FAT3: variants seen among roughly 807,000 people sequenced by gnomAD.
FAT3 encodes FAT atypical cadherin 3.
A neutral mutation model predicts 310.2 loss-of-function variants in FAT3; 95 were observed. The ratio of observed to expected loss-of-function variants is 0.31; its 90% CI spans 0.26 to 0.36. The LOEUF (loss-of-function observed/expected upper bound fraction) is 0.36, where lower values mean the gene tolerates loss of function less well. Ranked by LOEUF, FAT3 falls within the 10% of genes least tolerant of loss-of-function variation. The pLI, the probability that FAT3 is intolerant of heterozygous loss-of-function variation, is 1.00. For synonymous variants in FAT3, 2,314 were observed against 2,192.9 expected, an observed-to-expected ratio of 1.06 and a Z score of -1.54; for missense variants, 5,408 against 5,715.6, an observed-to-expected ratio of 0.95 and a Z score of 1.74.
intron 1 of FAT3, among the ~76,000 whole-genome samples, chr11:92,244,128 G>A (rs934775505): frequency 3.3e-5 from 5 of 152,144 alleles, no homozygotes; most frequent in Non-Finnish European, 5.9e-5. Flanking sequence ...CACAAAGACC[G>A]TGCAGCTGTT....
intron 1 of FAT3, among the ~76,000 whole-genome samples, chr11:92,270,538 T>A (rs1018473532): frequency 6.7e-6 from 1 of 149,492 alleles, no homozygotes; most frequent in Admixed American, 6.7e-5. Flanking sequence ...AAAAAAAAAA[T>A]TGCTGGGCAT....
intron 3 of FAT3, among the ~76,000 whole-genome samples, chr11:92,600,397 T>TA (rs527950837): frequency 3.9e-4 from 59 of 152,182 alleles, no homozygotes; most frequent in Non-Finnish European, 7.5e-4. Flanking sequence ...AGAGAAGACT[T>TA]ACGTTTCTAC....
rs899887357 is a variant in FAT3, at chr11:92,880,674, C to T, written c.12128-57C>T. ...TAGGAGGACATGTTATAGCTGAGTC[C>T]AAGCACTCAGCCCTAGCAGTGGCAT... On this transcript the variant is annotated intron_variant, in intron 22 of 27. Transcript: ENST00000525166. 53 of 1,563,064 alleles carry T rather than the reference C, an allele frequency of 3.4e-5. No individual in the cohort carries two copies. In the African/African-American group the frequency reaches 7.1e-4, roughly 21 times the overall value.
chr11:92,712,742 G>A (rs530941768), intron 4 of FAT3, among the ~76,000 whole-genome samples: 1 of 152,328 alleles, frequency 6.6e-6, no homozygotes, highest in African/African-American at 2.4e-5. Flanking sequence ...AGGCATAAAT[G>A]TGTAACTATA....
At chr11:92,304,147 C>T (rs1193091767) in intron 1 of FAT3, among the ~76,000 whole-genome samples, 1 of 152,102 alleles carries the variant, frequency 6.6e-6, no homozygotes, top group Non-Finnish European at 1.5e-5. Flanking sequence ...GAGTGTGCCT[C>T]AGTACACCTC....
chr11:92,879,918 G>A (rs1949633835), intron 22 of FAT3, among the ~76,000 whole-genome samples: 2 of 152,124 alleles, frequency 1.3e-5, no homozygotes, highest in Admixed American at 6.6e-5. Flanking sequence ...TCTTTACTAT[G>A]TGCATGTATA....
chr11:92,444,398 T>C (rs1951160277), intron 2 of FAT3, among the ~76,000 whole-genome samples: 1 of 152,174 alleles, frequency 6.6e-6, no homozygotes, highest in Non-Finnish European at 1.5e-5. Flanking sequence ...TGTCATGTAA[T>C]TCACCTTTTC....
intron 2 of FAT3, among the ~76,000 whole-genome samples, chr11:92,357,971 CTAGCTTGGT>C (rs1948778157): frequency 6.7e-6 from 1 of 149,646 alleles, no homozygotes; most frequent in Non-Finnish European, 1.5e-5. Context: ...GAGTCCCAGA[CTAGCTTGGT>C]CAGTATGGTG....
intron 2 of FAT3, among the ~76,000 whole-genome samples, chr11:92,378,595 C>T (rs1045727572): frequency 9.2e-5 from 14 of 152,148 alleles, no homozygotes; most frequent in Non-Finnish European, 1.6e-4. Context: ...TTAAAAATAT[C>T]TTCATTCTGA....
chr11:92,872,816 T>A (rs912633641), intron 22 of FAT3, among the ~76,000 whole-genome samples: 1 of 152,226 alleles, frequency 6.6e-6, no homozygotes, highest in Non-Finnish European at 1.5e-5. Context: ...GAATGTACCC[T>A]GTTTGGTGAA....
At chr11:92,868,836 A>G (rs1784309720) in intron 22 of FAT3, among the ~76,000 whole-genome samples, 1 of 152,234 alleles carries the variant, frequency 6.6e-6, no homozygotes, top group African/African-American at 2.4e-5. Context: ...ATTCAGTGGA[A>G]CTATGTTAAT....
chr11:92,325,657 G>A (rs2134512235), intron 1 of FAT3, among the ~76,000 whole-genome samples: 1 of 152,212 alleles, frequency 6.6e-6, no homozygotes, highest in East Asian at 1.9e-4. Context: ...TTTTTGAGAT[G>A]AGTCTCGCTC....
chr11:92,257,404 G>A (rs1440800658), intron 1 of FAT3, among the ~76,000 whole-genome samples: 1 of 152,074 alleles, frequency 6.6e-6, no homozygotes, highest in East Asian at 1.9e-4. Context: ...TTTCCCCAGG[G>A]AAGTAGACTG....
chr11:92,665,933 G>A (rs1942933955), intron 3 of FAT3, among the ~76,000 whole-genome samples: 1 of 152,178 alleles, frequency 6.6e-6, no homozygotes, highest in Non-Finnish European at 1.5e-5. Context: ...TGCTTTGGGA[G>A]ACTGAAGCAG....
chr11:92,236,772 TGGG>T (rs1314861176), intron 1 of FAT3, among the ~76,000 whole-genome samples: 2 of 152,318 alleles, frequency 1.3e-5, no homozygotes, highest in East Asian at 3.9e-4. Context: ...GTTGGGATCT[TGGG>T]TAGGAAAAGG....
At chr11:92,457,472 G>A (rs1320636961) in intron 2 of FAT3, among the ~76,000 whole-genome samples, 4 of 152,046 alleles carry the variant, frequency 2.6e-5, no homozygotes, top group Admixed American at 2.6e-4. Flanking sequence ...AAAGAACCAT[G>A]ACTCATCTTT....
At position 92,895,608 on chromosome 11, in the gene FAT3, A is replaced by G. The variant is rs1172742837; in HGVS notation, c.*4495A>G. On this transcript the variant is annotated 3_prime_UTR_variant, in exon 28 of 28. Coordinates refer to ENST00000525166, the MANE Select transcript of FAT3 (RefSeq NM_001367949.2). ...CTGGCAAACAAATAACTGAATTGCT[A>G]CTATTTAACAATCTTATGAGCCCAC... The G allele has an allele frequency of 1.3e-5, 2 of 152,176 alleles. No individual in the cohort carries two copies. The highest frequency in any genetic ancestry group is 2.4e-5 in the African/African-American group (1 of 41,436). The allele number at this position is 152,176 out of a possible 1,614,324, so 9.4% of individuals were successfully genotyped here.
At chr11:92,577,029 T>C (rs79603252) in intron 3 of FAT3, among the ~76,000 whole-genome samples, 1 of 14,860 alleles carries the variant, frequency 6.7e-5, no homozygotes, top group Non-Finnish European at 8.5e-4. Flanking sequence ...AAATCATTCA[T>C]TCATTCATTC....
chr11:92,622,629 G>A (rs1441999201), intron 3 of FAT3, among the ~76,000 whole-genome samples: 3 of 152,112 alleles, frequency 2.0e-5, no homozygotes, highest in African/African-American at 7.2e-5. Flanking sequence ...TCTAGCTGAA[G>A]CGTCACACAT....
Sources: allele counts gnomAD v4.1 joint callset (sites outside exome capture counted in the v4.1 genomes callset), GRCh38; gene constraint gnomAD v4.1.1; transcripts MANE v1.5; gene names NCBI Gene and HGNC (gene_info 2026-07-23, HGNC 2026-07-21).